The following SOCS5 variants were observed in gnomAD, a reference collection of about 807,000 sequenced individuals.
The protein encoded by SOCS5 is suppressor of cytokine signaling 5, also known as CIS-6.
Under a neutral mutation model 42.8 loss-of-function variants are expected in SOCS5, and 32 were observed. The observed-to-expected ratio is 0.75, with a 90% confidence interval of 0.56 to 1.01. The LOEUF is 1.01. Ranked by LOEUF, SOCS5 falls within the 50% of genes least tolerant of loss-of-function variation. The pLI is 0.00. For synonymous variants in SOCS5, 283 were observed against 229.6 expected, an observed-to-expected ratio of 1.23 and a Z score of -2.10; for missense variants, 627 against 653.0, an observed-to-expected ratio of 0.96 and a Z score of 0.43.
In SOCS5 at chr2:46,763,094, G is replaced by A. The variant is rs1673911184; in HGVS notation, c.*2953G>A. 6.0e-6 allele frequency: 1 copy of A among 166,980 alleles called. No individual in the cohort carries two copies. Among genetic ancestry groups the A allele is most frequent in the African/African-American group, 2.4e-5 (1 of 41,418 alleles). 10.3% of individuals were successfully genotyped at this position (166,980 alleles called of 1,614,324 possible). A position where few individuals can be genotyped will look rare whatever the true frequency, so the allele number is the denominator to read the frequency against. On this transcript the variant is annotated 3_prime_UTR_variant, in exon 2 of 2. Coordinates refer to ENST00000394861, the MANE Select transcript of SOCS5 (RefSeq NM_144949.3). ...CTAAAAGTTTAGCCTTGCTACTTTA[G>A]CCTTGTTTATAATACAGTCACCTTA... is the stretch of plus-strand genomic sequence containing the variant.
intron 1 of SOCS5, among the ~76,000 whole-genome samples, chr2:46,757,263 G>C (rs907331958): frequency 6.6e-6 from 1 of 152,158 alleles, no homozygotes; most frequent in African/African-American, 2.4e-5. Context: ...GGCAAGATCA[G>C]CTAAAGTTTT....
intron 1 of SOCS5, among the ~76,000 whole-genome samples, chr2:46,725,660 TG>T (rs1025807426): frequency 4.6e-5 from 7 of 152,196 alleles, no homozygotes; most frequent in Admixed American, 1.3e-4. Context: ...CAATGGGTAC[TG>T]TTTTTTTGTT....
At chr2:46,719,700 T>C (rs902079930) in intron 1 of SOCS5, among the ~76,000 whole-genome samples, 2 of 152,176 alleles carry the variant, frequency 1.3e-5, no homozygotes, top group African/African-American at 2.4e-5. Flanking sequence ...TTTTGCTATA[T>C]ATAGAACATG....
intron 1 of SOCS5, among the ~76,000 whole-genome samples, chr2:46,713,085 G>A (rs988398071): frequency 2.0e-5 from 3 of 152,210 alleles, no homozygotes; most frequent in African/African-American, 7.2e-5. Flanking sequence ...GCCCAGCATG[G>A]TGGCTCATGC....
intron 1 of SOCS5, among the ~76,000 whole-genome samples, chr2:46,726,389 G>A (rs1672990871): frequency 6.6e-6 from 1 of 152,122 alleles, no homozygotes; most frequent in Non-Finnish European, 1.5e-5. Flanking sequence ...GAGCCACTGT[G>A]CCTGGCCCTC....
At chr2:46,741,643 G>T (rs970505661) in intron 1 of SOCS5, among the ~76,000 whole-genome samples, 4 of 152,008 alleles carry the variant, frequency 2.6e-5, no homozygotes, top group Non-Finnish European at 4.4e-5. Context: ...TGTGTGTTGA[G>T]GTCTGTTTAG....
At chr2:46,746,918 A>ATTTTTT (rs1673512042) in intron 1 of SOCS5, among the ~76,000 whole-genome samples, 3 of 61,228 alleles carry the variant, frequency 4.9e-5, no homozygotes, top group Non-Finnish European at 1.0e-4. Context: ...GCATGACTTT[A>ATTTTTT]TTTCTTTTTT....
At position 46,736,374 on chromosome 2, in the gene SOCS5, T is replaced by C. The variant is rs1215183965; in HGVS notation, c.-12-22145T>C. On this transcript the variant is annotated intron_variant, in intron 1 of 1. Transcript: ENST00000394861. Reference sequence around the variant, plus strand: ...AACCATTTTTAAGTGTATAGTTCAGTGGCATTAAGCACATTCACATTCTTG... The same window carrying C: ...AACCATTTTTAAGTGTATAGTTCAGCGGCATTAAGCACATTCACATTCTTG... Among the ~76,000 whole-genome samples, 4 of 152,272 alleles carry C rather than the reference T, an allele frequency of 2.6e-5. No homozygotes were observed. The East Asian group carries it at 7.7e-4, about 29-fold the overall frequency.
At chr2:46,746,868 A>G (rs1673510881) in intron 1 of SOCS5, among the ~76,000 whole-genome samples, 1 of 149,570 alleles carries the variant, frequency 6.7e-6, no homozygotes. Context: ...AGACAATCAC[A>G]TCATCAGAAA....
chr2:46,710,729 C>A (rs1286108553), intron 1 of SOCS5, among the ~76,000 whole-genome samples: 1 of 152,122 alleles, frequency 6.6e-6, no homozygotes, highest in Non-Finnish European at 1.5e-5. Context: ...TAGGGATATA[C>A]CAGGTTCAAG....
rs571189318 is a variant in SOCS5 at position 46,724,227 on chromosome 2, CT to C, written c.-13+24790del. Reference sequence around the variant, plus strand: ...GTTTTATTTCTTTCTAATTTGTCTGCTTTTTTTTTTTTCTTCTTGCTTCCTT... The same window carrying C: ...GTTTTATTTCTTTCTAATTTGTCTGCTTTTTTTTTTTCTTCTTGCTTCCTT... On this transcript the variant is annotated intron_variant, in intron 1 of 1. Transcript: ENST00000394861. 4.0e-3 allele frequency among the ~76,000 whole-genome samples: 568 copies of C among 143,058 alleles called. 2 individuals carry two copies. The highest frequency in any genetic ancestry group is 0.011 in the African/African-American group (433 of 39,538). 93.9% of individuals were successfully genotyped at this position (143,058 alleles called of 152,430 possible). A position where few individuals can be genotyped will look rare whatever the true frequency, so the allele number is the denominator to read the frequency against.
chr2:46,738,616 AGT>A (rs1163981233), intron 1 of SOCS5, among the ~76,000 whole-genome samples: 6 of 152,268 alleles, frequency 3.9e-5, no homozygotes, highest in African/African-American at 1.2e-4. Context: ...TGTGGACCCA[AGT>A]GTGTTTCCCA....
chr2:46,703,121 T>C (rs1203539554), intron 1 of SOCS5, among the ~76,000 whole-genome samples: 1 of 152,256 alleles, frequency 6.6e-6, no homozygotes. Context: ...ATTGCCCTTA[T>C]TTGTAGAGTT....
chr2:46,729,877 A>G (rs1673078063), intron 1 of SOCS5, among the ~76,000 whole-genome samples: 1 of 152,208 alleles, frequency 6.6e-6, no homozygotes, highest in Non-Finnish European at 1.5e-5. Flanking sequence ...ATTTTGTAGT[A>G]GTACTTGTTT....
chr2:46,760,266 C>A lies in SOCS5; in HGVS notation c.*125C>A. 1.5e-6 allele frequency: 1 copy of A among 673,014 alleles called. No homozygotes were observed. Among genetic ancestry groups the A allele is most frequent in the Non-Finnish European group, 2.6e-6 (1 of 387,186 alleles). 41.7% of individuals were successfully genotyped at this position (673,014 alleles called of 1,614,324 possible). ...CAGTATGTAAGCTTAGTGTTAGTAT[C>A]TGTCAGATGCTACCTGCTGTTACTT... On this transcript the variant is annotated 3_prime_UTR_variant, in exon 2 of 2. Transcript: ENST00000394861.
chr2:46,705,878 A>G (rs927624726), intron 1 of SOCS5, among the ~76,000 whole-genome samples: 1 of 152,256 alleles, frequency 6.6e-6, no homozygotes, highest in Non-Finnish European at 1.5e-5. Context: ...GAGAAGCTAC[A>G]GGAATATCCT....
chr2:46,747,547 G>A (rs909435249), intron 1 of SOCS5, among the ~76,000 whole-genome samples: 4 of 152,022 alleles, frequency 2.6e-5, no homozygotes, highest in Admixed American at 1.3e-4. Context: ...ATATCTCCAT[G>A]TGTTCCCTTT....
chr2:46,723,461 G>GTCT, intron 1 of SOCS5, among the ~76,000 whole-genome samples: 1 of 151,938 alleles, frequency 6.6e-6, no homozygotes, highest in African/African-American at 2.4e-5. Context: ...ATTGTATAAG[G>GTCT]TGTGAAGTTT....
intron 1 of SOCS5, among the ~76,000 whole-genome samples, chr2:46,753,562 T>C (rs41395750): frequency 0.017 from 2,532 of 152,306 alleles, 84 homozygotes; most frequent in African/African-American, 0.058. Context: ...AGAGGGTTCT[T>C]GGACCTTGCG....
Sources: allele counts gnomAD v4.1 joint callset (sites outside exome capture counted in the v4.1 genomes callset), GRCh38; gene constraint gnomAD v4.1.1; transcripts MANE v1.5; gene names NCBI Gene and HGNC (gene_info 2026-07-23, HGNC 2026-07-21).